XRCC4: variants seen among roughly 807,000 people sequenced by gnomAD.
XRCC4 encodes the protein DNA repair protein XRCC4.
A neutral mutation model predicts 39.1 loss-of-function variants in XRCC4; 28 were observed. The ratio of observed to expected loss-of-function variants is 0.72; its 90% confidence interval spans 0.53 to 0.98. The LOEUF is 0.98. XRCC4 is among the 50% of genes least tolerant of loss of function. The probability of loss-of-function intolerance (pLI) is 0.00; values close to 1 mark genes in which losing one functional copy is unlikely to be tolerated. For synonymous variants in XRCC4, 123 were observed against 126.4 expected (o/e 0.97, Z 0.18); for missense variants, 350 against 376.4 (o/e 0.93, Z 0.58).
chr5:83,125,282 T>C (rs564576686), intron 3 of XRCC4, among the ~76,000 whole-genome samples: 1 of 152,350 alleles, frequency 6.6e-6, no homozygotes, highest in South Asian at 2.1e-4. Flanking sequence ...CTTTTATTTT[T>C]GATGAAGTCC....
In XRCC4 at chr5:83,174,319, A is replaced by G. The variant is rs181854445; in HGVS notation, c.316-21451A>G. ...TTGATCTGGCCTTTTGAGTGATACA[A>G]TCAAAGAAAAATCTTTAAAAATTTT... On this transcript the variant is annotated intron_variant, in intron 3 of 7. Transcript: ENST00000396027. Among the ~76,000 whole-genome samples the G allele has an allele frequency of 3.1e-3, 466 of 152,286 alleles. 3 individuals carry two copies. Among genetic ancestry groups the G allele is most frequent in the African/African-American group, 0.011 (446 of 41,566 alleles).
chr5:83,127,526 G>C (rs985038635), intron 3 of XRCC4, among the ~76,000 whole-genome samples: 1 of 151,976 alleles, frequency 6.6e-6, no homozygotes. Flanking sequence ...CAGCTACGTG[G>C]AGCTGTGAGT....
At chr5:83,362,966 G>A in the XRCC4 span, among the ~76,000 whole-genome samples, 788 of 152,320 alleles carry the variant, frequency 5.2e-3, 3 homozygotes, top group African/African-American at 0.017. Context: ...CACGCTGCTA[G>A]GCACTGGGGA....
At chr5:83,301,117 A>ATGG (rs1394580157) in intron 7 of XRCC4, among the ~76,000 whole-genome samples, 1 of 152,154 alleles carries the variant, frequency 6.6e-6, no homozygotes, top group Non-Finnish European at 1.5e-5. Context: ...TGCTGGTCAA[A>ATGG]TGGTATTTCT....
At chr5:83,259,838 A>G (rs539702294) in intron 7 of XRCC4, among the ~76,000 whole-genome samples, 2 of 152,068 alleles carry the variant, frequency 1.3e-5, no homozygotes, top group African/African-American at 4.8e-5. Flanking sequence ...TTTTTAAAGT[A>G]TAAAGTATTC....
At chr5:83,368,035 G>A in the XRCC4 span, among the ~76,000 whole-genome samples, 2 of 151,022 alleles carry the variant, frequency 1.3e-5, no homozygotes, top group Non-Finnish European at 2.9e-5. Context: ...AAAACAGGCT[G>A]TGGATGCTTA....
intron 4 of XRCC4, among the ~76,000 whole-genome samples, chr5:83,196,808 C>T (rs1750969746): frequency 6.6e-6 from 1 of 151,656 alleles, no homozygotes; most frequent in Non-Finnish European, 1.5e-5. Context: ...AGCATGGGAA[C>T]AGTTTATCCA....
chr5:83,100,173 A>C (rs1580216144), intron 1 of XRCC4, among the ~76,000 whole-genome samples: 1 of 152,184 alleles, frequency 6.6e-6, no homozygotes, highest in East Asian at 1.9e-4. Flanking sequence ...ATGGGCTATT[A>C]ATGTTAATTG....
chr5:83,338,424 A>T (rs562405110), intron 7 of XRCC4, among the ~76,000 whole-genome samples: 3 of 152,214 alleles, frequency 2.0e-5, no homozygotes, highest in African/African-American at 7.2e-5. Context: ...TATTGAATTC[A>T]TATGGTCAAG....
At chr5:83,272,555 T>C (rs546251953) in intron 7 of XRCC4, among the ~76,000 whole-genome samples, 21 of 152,254 alleles carry the variant, frequency 1.4e-4, no homozygotes, top group African/African-American at 5.1e-4. Flanking sequence ...ATTAGGTATT[T>C]GTCCTAATGC....
intron 7 of XRCC4, among the ~76,000 whole-genome samples, chr5:83,269,615 TA>T (rs1754068558): frequency 6.6e-6 from 1 of 151,638 alleles, no homozygotes; most frequent in East Asian, 1.9e-4. Context: ...TCAGTAAAAA[TA>T]GACAGTTACA....
chr5:83,131,706 CT>C lies in XRCC4; in HGVS notation c.315+20513del, dbSNP rs959879917. 1.0e-3 allele frequency among the ~76,000 whole-genome samples: 152 copies of C among 148,420 alleles called. No homozygotes were observed. The Middle Eastern group carries it at 0.01, about 10-fold the overall frequency. ...TCAGAGACTAGGATTGCAACCCCTC[CT>C]TTTTTTTTTATTTTCCATTTGCTTG... On this transcript the variant is annotated intron_variant, in intron 3 of 7. Coordinates refer to ENST00000396027, the MANE Select transcript of XRCC4 (RefSeq NM_003401.5).
intron 3 of XRCC4, among the ~76,000 whole-genome samples, chr5:83,129,371 T>G (rs1747443329): frequency 1.3e-5 from 2 of 151,990 alleles, no homozygotes; most frequent in Admixed American, 1.3e-4. Context: ...CTGTTTTGGT[T>G]ACTGTAGCCT....
At chr5:83,106,477 AAAGG>A (rs2112381319) in intron 2 of XRCC4, among the ~76,000 whole-genome samples, 1 of 152,228 alleles carries the variant, frequency 6.6e-6, no homozygotes, top group South Asian at 2.1e-4. Flanking sequence ...CTTAATTATC[AAAGG>A]AAGAGGCTGA....
At chr5:83,187,453 C>G (rs1750504403) in intron 3 of XRCC4, among the ~76,000 whole-genome samples, 1 of 152,120 alleles carries the variant, frequency 6.6e-6, no homozygotes, top group Non-Finnish European at 1.5e-5. Flanking sequence ...AAGGTAACAT[C>G]CCAAGTTTCA....
intron 7 of XRCC4, among the ~76,000 whole-genome samples, chr5:83,346,306 A>G (rs1279518946): frequency 1.3e-5 from 2 of 152,142 alleles, no homozygotes; most frequent in Non-Finnish European, 2.9e-5. Context: ...AATAACCTCA[A>G]CCTTCCACAA....
At chr5:83,361,233 A>C in the XRCC4 span, among the ~76,000 whole-genome samples, 2 of 152,204 alleles carry the variant, frequency 1.3e-5, no homozygotes, top group African/African-American at 4.8e-5. Flanking sequence ...ATCAACACAG[A>C]ATGGATCTGC....
rs533890637 is a variant in XRCC4, at chr5:83,113,153, A to G, written c.315+1950A>G. On this transcript the variant is annotated intron_variant, in intron 3 of 7. Transcript: ENST00000396027. ...ATGAGGGTACAGGCATTGGGTAAACATACCCATTTCAAATGGGAGAAATTG... is the reference window on the plus strand; with the variant it reads ...ATGAGGGTACAGGCATTGGGTAAACGTACCCATTTCAAATGGGAGAAATTG... Among the ~76,000 whole-genome samples the G allele has an allele frequency of 7.3e-4, 111 of 152,332 alleles. 1 individual carries two copies. Among genetic ancestry groups the G allele is most frequent in the African/African-American group, 2.4e-3 (100 of 41,582 alleles).
chr5:83,136,993 T>C (rs975372491), intron 3 of XRCC4, among the ~76,000 whole-genome samples: 14 of 152,186 alleles, frequency 9.2e-5, no homozygotes, highest in Admixed American at 3.9e-4. Context: ...TGATAGATGT[T>C]AATTAGCTTG....
Sources: gnomAD v4.1 joint callset for allele counts (sites outside exome capture counted in the v4.1 genomes callset) on GRCh38, gnomAD v4.1.1 for gene constraint, MANE v1.5 for transcripts, NCBI Gene and HGNC (gene_info 2026-07-23, HGNC 2026-07-21) for gene names.